The following PXDNL variants were observed in gnomAD, a reference collection of about 807,000 sequenced individuals.
The protein encoded by PXDNL is probable oxidoreductase PXDNL.
Under a neutral mutation model 150.8 loss-of-function variants are expected in PXDNL, and 145 were observed. The observed-to-expected ratio is 0.96, with a 90% CI of 0.84 to 1.10. The LOEUF (loss-of-function observed/expected upper bound fraction) is 1.10. Ranked by LOEUF, PXDNL falls within the 50% of genes least tolerant of loss-of-function variation. The probability of loss-of-function intolerance (pLI) is 0.00; values close to 1 mark genes in which losing one functional copy is unlikely to be tolerated. For missense variants in PXDNL, 2,087 were observed against 1,873.9 expected (o/e 1.11, Z -2.10); for synonymous variants, 757 against 725.7 (o/e 1.04, Z -0.69).
intron 4 of PXDNL, among the ~76,000 whole-genome samples, chr8:51,504,647 C>T (rs920166815): frequency 3.3e-5 from 5 of 152,140 alleles, no homozygotes; most frequent in African/African-American, 9.7e-5. Flanking sequence ...TCTGCCCTAA[C>T]GAAACTCTAA....
chr8:51,480,285 G>A (rs1467029102), intron 6 of PXDNL, among the ~76,000 whole-genome samples: 2 of 152,156 alleles, frequency 1.3e-5, no homozygotes, highest in Non-Finnish European at 1.5e-5. Context: ...AGATTTAATT[G>A]GCTCATGGTT....
chr8:51,327,226 G>A (rs968676327), intron 21 of PXDNL, among the ~76,000 whole-genome samples: 1 of 152,150 alleles, frequency 6.6e-6, no homozygotes, highest in Admixed American at 6.5e-5. Context: ...CAAGATTTGG[G>A]TTGTTACTAG....
chr8:51,745,118 T>G (rs2036969021), intron 1 of PXDNL, among the ~76,000 whole-genome samples: 1 of 152,166 alleles, frequency 6.6e-6, no homozygotes. Context: ...CAACAAATTG[T>G]TGAGAAACCC....
intron 4 of PXDNL, among the ~76,000 whole-genome samples, chr8:51,520,979 C>T (rs565940702): frequency 1.3e-5 from 2 of 152,212 alleles, no homozygotes; most frequent in African/African-American, 2.4e-5. Context: ...CCCAGCACTT[C>T]GGCTGGGTGG....
intron 17 of PXDNL, among the ~76,000 whole-genome samples, chr8:51,403,644 T>C (rs1328640316): frequency 7.9e-5 from 12 of 152,310 alleles, no homozygotes; most frequent in South Asian, 6.2e-4. Context: ...CAAATGTCCT[T>C]CTTGGCACTC....
In PXDNL at chr8:51,366,699, G is replaced by A. The variant is rs1351296543; in HGVS notation, c.3901+5174C>T. ...TTAAAGAAAGCCCTCTGTACAGTAG[G>A]ACCTGACAGTGGGCAGTGCACAGGG... is the stretch of plus-strand genomic sequence containing the variant. On this transcript the variant is annotated intron_variant, in intron 19 of 22. Transcript: ENST00000356297. Among the ~76,000 whole-genome samples the A allele has an allele frequency of 4.6e-5, 7 of 152,310 alleles. No individual in the cohort carries two copies. In the East Asian group the frequency reaches 1.3e-3, roughly 29 times the overall value.
At chr8:51,737,843 G>A (rs1205726497) in intron 1 of PXDNL, among the ~76,000 whole-genome samples, 1 of 151,656 alleles carries the variant, frequency 6.6e-6, no homozygotes, top group Non-Finnish European at 1.5e-5. Context: ...TCTATATGTA[G>A]ATGGGATTAA....
intron 2 of PXDNL, among the ~76,000 whole-genome samples, 175 bp downstream of exon 2, chr8:51,654,514 G>C (rs1815111362): frequency 6.6e-6 from 1 of 152,104 alleles, no homozygotes; most frequent in Non-Finnish European, 1.5e-5. Context: ...TGTTCAAAAG[G>C]TTATAAAAAC....
At chr8:51,537,921 G>A (rs1812120237) in intron 4 of PXDNL, among the ~76,000 whole-genome samples, 1 of 152,110 alleles carries the variant, frequency 6.6e-6, no homozygotes, top group Non-Finnish European at 1.5e-5. Flanking sequence ...ACCACTTCCA[G>A]CTAGCATGAC....
At chr8:51,700,192 CA>C (rs548238993) in intron 1 of PXDNL, among the ~76,000 whole-genome samples, 35 of 116,020 alleles carry the variant, frequency 3.0e-4, no homozygotes, top group African/African-American at 1.8e-3. Context: ...CACACACACA[CA>C]CACCATCACA....
chr8:51,331,689 G>A (rs934937052), intron 21 of PXDNL, among the ~76,000 whole-genome samples: 1 of 152,076 alleles, frequency 6.6e-6, no homozygotes, highest in African/African-American at 2.4e-5. Context: ...ATGGGAGCTG[G>A]ATGAGGCCTG....
intron 17 of PXDNL, among the ~76,000 whole-genome samples, chr8:51,382,792 T>C (rs1807589217): frequency 6.6e-6 from 1 of 152,134 alleles, no homozygotes; most frequent in Non-Finnish European, 1.5e-5. Flanking sequence ...TTACATAGGG[T>C]CAGATTTATG....
intron 12 of PXDNL, among the ~76,000 whole-genome samples, chr8:51,433,174 A>G (rs891682102): frequency 2.0e-5 from 3 of 151,144 alleles, no homozygotes; most frequent in Non-Finnish European, 4.4e-5. Flanking sequence ...GCACCACAGC[A>G]CTCCAGCCTG....
At chr8:51,770,902 C>T (rs2037286370) in intron 1 of PXDNL, among the ~76,000 whole-genome samples, 1 of 152,202 alleles carries the variant, frequency 6.6e-6, no homozygotes, top group South Asian at 2.1e-4. Flanking sequence ...ATCTCTCCAA[C>T]AGTGACCACT....
At chr8:51,542,854 A>T (rs1008641489) in intron 4 of PXDNL, among the ~76,000 whole-genome samples, 1 of 152,108 alleles carries the variant, frequency 6.6e-6, no homozygotes, top group Admixed American at 6.6e-5. Flanking sequence ...CTTTTACAAT[A>T]AACTAGACAG....
chr8:51,564,378 T>A (rs941047584), intron 3 of PXDNL, among the ~76,000 whole-genome samples: 1 of 151,870 alleles, frequency 6.6e-6, no homozygotes, highest in Non-Finnish European at 1.5e-5. Flanking sequence ...TTCCAACTTT[T>A]ATTTTCGGTT....
intron 8 of PXDNL, among the ~76,000 whole-genome samples, chr8:51,467,089 G>A (rs1186441239): frequency 6.6e-6 from 1 of 152,144 alleles, no homozygotes; most frequent in African/African-American, 2.4e-5. Context: ...CCATGTGTCT[G>A]TATGTTAATT....
intron 17 of PXDNL, among the ~76,000 whole-genome samples, chr8:51,394,524 G>A (rs1808018062): frequency 6.6e-6 from 1 of 152,108 alleles, no homozygotes; most frequent in Admixed American, 6.5e-5. Context: ...AGTAGGCATC[G>A]GCAAACTATT....
chr8:51,630,651 A>G (rs1814469898), intron 2 of PXDNL, among the ~76,000 whole-genome samples: 1 of 152,198 alleles, frequency 6.6e-6, no homozygotes. Flanking sequence ...CAAAAAAGTC[A>G]TACGCACAGC....
Sources: gnomAD v4.1 joint callset for allele counts (sites outside exome capture counted in the v4.1 genomes callset) on GRCh38, gnomAD v4.1.1 for gene constraint, MANE v1.5 for transcripts, NCBI Gene and HGNC (gene_info 2026-07-23, HGNC 2026-07-21) for gene names.